The following MDGA2 variants were observed in gnomAD, a reference collection of about 807,000 sequenced individuals.
The protein encoded by MDGA2 is MAM domain containing glycosylphosphatidylinositol anchor 2.
In MDGA2, 40 loss-of-function variants were observed where a neutral mutation model predicts 117.8. The ratio of observed to expected loss-of-function variants is 0.34; its 90% CI spans 0.26 to 0.44. The LOEUF (loss-of-function observed/expected upper bound fraction) is 0.44. Among genes scored for constraint, MDGA2 ranks in the 20% least tolerant of loss-of-function variants. The pLI, the probability that MDGA2 is intolerant of heterozygous loss-of-function variation, is 1.00. For synonymous variants in MDGA2, 452 were observed against 439.0 expected (o/e 1.03, Z -0.37); for missense variants, 1,123 against 1,250.6 (o/e 0.90, Z 1.54).
chr14:46,911,748 C>G (rs1322009897), intron 10 of MDGA2, among the ~76,000 whole-genome samples: 2 of 152,092 alleles, frequency 1.3e-5, no homozygotes, highest in Non-Finnish European at 2.9e-5. Context: ...ATAAAAACAT[C>G]ACGAAACTTC....
chr14:47,412,507 C>T (rs1892394750), intron 1 of MDGA2, among the ~76,000 whole-genome samples: 1 of 152,166 alleles, frequency 6.6e-6, no homozygotes, highest in Admixed American at 6.5e-5. Flanking sequence ...GTCTCGAAAT[C>T]CTGGCTTCAA....
intron 2 of MDGA2, among the ~76,000 whole-genome samples, chr14:47,257,658 T>C (rs1887667565): frequency 6.6e-6 from 1 of 152,160 alleles, no homozygotes; most frequent in Admixed American, 6.6e-5. Flanking sequence ...TTAATAATTT[T>C]TTAAACTGAC....
At chr14:47,088,049 C>A (rs998105266) in intron 6 of MDGA2, among the ~76,000 whole-genome samples, 16 of 151,698 alleles carry the variant, frequency 1.1e-4, no homozygotes, top group Non-Finnish European at 2.1e-4. Context: ...AACTAAGCTG[C>A]CTATCATTAC....
At chr14:47,034,649 A>G (rs1888775240) in intron 8 of MDGA2, among the ~76,000 whole-genome samples, 1 of 151,890 alleles carries the variant, frequency 6.6e-6, no homozygotes, top group African/African-American at 2.4e-5. Context: ...CTGAATTAGC[A>G]ATTACTTCCA....
At position 46,867,427 on chromosome 14, in the gene MDGA2, G is replaced by A. The variant is rs868860483; in HGVS notation, c.2752+6006C>T. Among the ~76,000 whole-genome samples, 533 of 152,176 alleles carry A rather than the reference G, an allele frequency of 3.5e-3. 4 individuals carry two copies. The highest frequency in any genetic ancestry group is 0.012 in the African/African-American group (509 of 41,512). ...GGAGAGGGGAGGTATAGCACTGGGA[G>A]ATATACCTAATGCTAGATGACGAGT... On this transcript the variant is annotated intron_variant, in intron 14 of 16. Transcript: ENST00000399232.
intron 1 of MDGA2, among the ~76,000 whole-genome samples, chr14:47,625,669 T>C (rs1183189576): frequency 6.6e-6 from 1 of 152,216 alleles, no homozygotes; most frequent in African/African-American, 2.4e-5. Flanking sequence ...CCTTTATTTA[T>C]TATCTGGATT....
intron 1 of MDGA2, among the ~76,000 whole-genome samples, chr14:47,308,160 CA>C (rs1278614477): frequency 3.3e-5 from 5 of 152,016 alleles, no homozygotes; most frequent in Admixed American, 3.3e-4. Context: ...GAATTGGAGT[CA>C]AAAGATGAAC....
At chr14:47,579,785 A>C (rs1175463418) in intron 1 of MDGA2, among the ~76,000 whole-genome samples, 5 of 152,090 alleles carry the variant, frequency 3.3e-5, no homozygotes, top group African/African-American at 1.2e-4. Context: ...AAAATCTACA[A>C]TTGAATCCAG....
chr14:47,308,494 T>C (rs1889529948), intron 1 of MDGA2, among the ~76,000 whole-genome samples: 1 of 132,522 alleles, frequency 7.5e-6, no homozygotes. Context: ...TTCCCTCTCT[T>C]TCTGTTAGTT....
chr14:46,902,959 C>T lies in MDGA2; in HGVS notation c.2238+17053G>A, dbSNP rs138499863. On this transcript the variant is annotated intron_variant, in intron 10 of 16. Transcript: ENST00000399232. Reference sequence around the variant, plus strand: ...TGCAGGAGGCAAAAAGGGGGAGGGCCCCAGAGAATCTCCCACCGGCCTACA... The same window carrying T: ...TGCAGGAGGCAAAAAGGGGGAGGGCTCCAGAGAATCTCCCACCGGCCTACA... Among the ~76,000 whole-genome samples, 503 of 141,282 alleles carry T rather than the reference C, an allele frequency of 3.6e-3. 1 individual carries two copies. Among genetic ancestry groups the T allele is most frequent in the Non-Finnish European group, 5.3e-3 (338 of 63,498 alleles). 92.7% of individuals were successfully genotyped at this position (141,282 alleles called of 152,430 possible). A position where few individuals can be genotyped will look rare whatever the true frequency, so the allele number is the denominator to read the frequency against.
chr14:46,939,274 C>T (rs1376563784), intron 9 of MDGA2, among the ~76,000 whole-genome samples: 1 of 151,782 alleles, frequency 6.6e-6, no homozygotes, highest in East Asian at 1.9e-4. Flanking sequence ...TGAATGTTTC[C>T]AACACAATGA....
intron 8 of MDGA2, among the ~76,000 whole-genome samples, chr14:46,975,441 AAGTAT>A (rs1381306861): frequency 1.3e-5 from 2 of 152,166 alleles, no homozygotes; most frequent in Non-Finnish European, 2.9e-5. Flanking sequence ...GGATCAAAGC[AAGTAT>A]TCATCAACAG....
intron 9 of MDGA2, among the ~76,000 whole-genome samples, chr14:46,940,379 A>C (rs1223496183): frequency 6.6e-6 from 1 of 152,196 alleles, no homozygotes; most frequent in African/African-American, 2.4e-5. Flanking sequence ...CTGTAATCCC[A>C]GCACGTTGGG....
intron 1 of MDGA2, among the ~76,000 whole-genome samples, chr14:47,651,622 G>C (rs1897646769): frequency 6.6e-6 from 1 of 152,038 alleles, no homozygotes; most frequent in South Asian, 2.1e-4. Context: ...GATGTATGTA[G>C]GGAGTTATAT....
At chr14:47,507,438 C>A (rs1021740655) in intron 1 of MDGA2, among the ~76,000 whole-genome samples, 4 of 152,070 alleles carry the variant, frequency 2.6e-5, no homozygotes, top group Non-Finnish European at 5.9e-5. Context: ...GGAAAATAAG[C>A]TCAATGTAAT....
At chr14:47,526,414 A>G (rs1363910282) in intron 1 of MDGA2, among the ~76,000 whole-genome samples, 3 of 152,042 alleles carry the variant, frequency 2.0e-5, no homozygotes, top group African/African-American at 7.2e-5. Context: ...TTTGTTAGGG[A>G]TGGTGTTTTC....
intron 1 of MDGA2, among the ~76,000 whole-genome samples, chr14:47,602,653 C>G (rs903711682): frequency 2.0e-5 from 3 of 152,088 alleles, no homozygotes; most frequent in Non-Finnish European, 4.4e-5. Context: ...AAGTGACAGA[C>G]AGAAAATTGT....
chr14:47,462,359 G>C (rs1260725824), intron 1 of MDGA2, among the ~76,000 whole-genome samples: 30 of 135,222 alleles, frequency 2.2e-4, no homozygotes, highest in African/African-American at 6.8e-4. Flanking sequence ...CTGGGCGACA[G>C]AGAGAGACTC....
chr14:46,888,712 C>CT (rs929611180), intron 10 of MDGA2, among the ~76,000 whole-genome samples: 165 of 143,628 alleles, frequency 1.1e-3, no homozygotes, highest in Middle Eastern at 3.6e-3. Flanking sequence ...ATGTTTTCCT[C>CT]TTTTTTTTTT....
Sources: allele counts gnomAD v4.1 joint callset (sites outside exome capture counted in the v4.1 genomes callset), GRCh38; gene constraint gnomAD v4.1.1; transcripts MANE v1.5; gene names NCBI Gene and HGNC (gene_info 2026-07-23, HGNC 2026-07-21).